Variants in ROCK2 observed in about 807,000 individuals in gnomAD.
ROCK2 encodes rho-associated protein kinase 2.
A neutral mutation model predicts 195.1 loss-of-function variants in ROCK2; 61 were observed. That is an observed-to-expected ratio of 0.31 (90% confidence interval 0.25 to 0.39). ROCK2 has a LOEUF of 0.39. Ranked by LOEUF, ROCK2 falls within the 10% of genes least tolerant of loss-of-function variation. The probability of loss-of-function intolerance (pLI) is 1.00; values close to 1 mark genes in which losing one functional copy is unlikely to be tolerated. For synonymous variants in ROCK2, 504 were observed against 545.5 expected (o/e 0.92, Z 1.06); for missense variants, 1,109 against 1,637.4 (o/e 0.68, Z 5.57).
At chr2:11,342,835 T>C (rs1669147784) in intron 1 of ROCK2, among the ~76,000 whole-genome samples, 1 of 152,186 alleles carries the variant, frequency 6.6e-6, no homozygotes, top group Non-Finnish European at 1.5e-5. Context: ...AGACACTATA[T>C]AGCTAAAGTC....
intron 4 of ROCK2, among the ~76,000 whole-genome samples, chr2:11,239,009 T>A (rs1359832658): frequency 1.3e-5 from 2 of 151,622 alleles, no homozygotes; most frequent in Non-Finnish European, 2.9e-5. Flanking sequence ...AACAACTGGA[T>A]AGCTACAGCC....
chr2:11,287,470 C>T (rs910362024), intron 2 of ROCK2, among the ~76,000 whole-genome samples, 185 bp downstream of exon 2: 6 of 151,974 alleles, frequency 3.9e-5, no homozygotes, highest in Admixed American at 6.6e-5. Context: ...TATTGTAATT[C>T]GGTTCTGCAA....
intron 1 of ROCK2, among the ~76,000 whole-genome samples, chr2:11,309,245 T>C (rs569628123): frequency 6.6e-6 from 1 of 151,128 alleles, no homozygotes; most frequent in East Asian, 1.9e-4. Context: ...AATCTAGAAA[T>C]GATTTAAAGT....
At chr2:11,194,812 A>G (rs1233811319) in intron 28 of ROCK2, 143 bp downstream of exon 28, 9 of 418,144 alleles carry the variant, frequency 2.2e-5, no homozygotes, top group East Asian at 2.1e-4. Context: ...AAATAAAATC[A>G]TATCATTTCA....
At chr2:11,194,399 T>A (rs995103997) in intron 28 of ROCK2, 55 bp from the exon 29 acceptor site, 2 of 650,176 alleles carry the variant, frequency 3.1e-6, no homozygotes, top group African/African-American at 3.8e-5. Context: ...ATACCTTATT[T>A]ATTGATTTTT....
chr2:11,262,712 A>T (rs537295801), intron 3 of ROCK2, among the ~76,000 whole-genome samples: 103 of 152,282 alleles, frequency 6.8e-4, no homozygotes, highest in African/African-American at 2.5e-3. Context: ...TGTAAGTCCA[A>T]TAAACTTCTT....
At chr2:11,296,764 A>G (rs1427107517) in intron 1 of ROCK2, among the ~76,000 whole-genome samples, 1 of 152,180 alleles carries the variant, frequency 6.6e-6, no homozygotes, top group Non-Finnish European at 1.5e-5. Flanking sequence ...ACTCCTTTAA[A>G]TCTCATTTTT....
At chr2:11,206,150 T>C (rs902929109) in intron 20 of ROCK2, among the ~76,000 whole-genome samples, 2 of 151,530 alleles carry the variant, frequency 1.3e-5, no homozygotes, top group South Asian at 2.1e-4. Context: ...TATAAATAAA[T>C]GATTTTTGCC....
At chr2:11,260,015 T>C (rs1345375497) in intron 3 of ROCK2, among the ~76,000 whole-genome samples, 1 of 151,578 alleles carries the variant, frequency 6.6e-6, no homozygotes, top group East Asian at 1.9e-4. Context: ...TGAATTATCC[T>C]AGACTTGAAA....
At chr2:11,287,253 A>G (rs989271889) in intron 2 of ROCK2, among the ~76,000 whole-genome samples, 8 of 152,210 alleles carry the variant, frequency 5.3e-5, no homozygotes, top group Non-Finnish European at 7.4e-5. Flanking sequence ...TACCACACAT[A>G]TGGTAATAAT....
intron 15 of ROCK2, 48 bp downstream of exon 15, chr2:11,215,273 C>A (rs760423536): frequency 8.2e-6 from 12 of 1,456,660 alleles, no homozygotes; most frequent in African/African-American, 1.4e-5. Flanking sequence ...AATGTTATCG[C>A]GTTAAAAATA....
At chr2:11,296,004 A>AGGGGAGAGAG (rs368823537) in intron 1 of ROCK2, among the ~76,000 whole-genome samples, 1 of 32,816 alleles carries the variant, frequency 3.0e-5, no homozygotes, top group Non-Finnish European at 5.7e-5. Context: ...AGAGAGAGAG[A>AGGGGAGAGAG]GGAGAGAGAG....
At chr2:11,289,105 A>G (rs2148197224) in intron 1 of ROCK2, among the ~76,000 whole-genome samples, 1 of 152,306 alleles carries the variant, frequency 6.6e-6, no homozygotes, top group East Asian at 1.9e-4. Flanking sequence ...TAATAACAAA[A>G]TGATTTATAT....
intron 1 of ROCK2, among the ~76,000 whole-genome samples, chr2:11,331,800 C>A (rs1201587489): frequency 6.6e-6 from 1 of 152,184 alleles, no homozygotes; most frequent in African/African-American, 2.4e-5. Context: ...GTGGCAGGCG[C>A]CTGTAATTCC....
At chr2:11,269,236 T>C (rs1666536780) in intron 3 of ROCK2, among the ~76,000 whole-genome samples, 1 of 152,198 alleles carries the variant, frequency 6.6e-6, no homozygotes, top group African/African-American at 2.4e-5. Flanking sequence ...TTTTGGCCAG[T>C]AGTGGTGGCT....
intron 1 of ROCK2, among the ~76,000 whole-genome samples, chr2:11,295,966 A>G (rs894184899): frequency 3.9e-5 from 3 of 77,718 alleles, no homozygotes; most frequent in Non-Finnish European, 5.2e-5. Flanking sequence ...CAAAAAACAA[A>G]AGAGAGAGAG....
chr2:11,328,218 G>A (rs1297480865), intron 1 of ROCK2, among the ~76,000 whole-genome samples: 1 of 152,018 alleles, frequency 6.6e-6, no homozygotes, highest in Non-Finnish European at 1.5e-5. Context: ...TACACGCAGT[G>A]AATTAAGAAC....
chr2:11,231,013 T>C (rs1664988303), intron 5 of ROCK2, among the ~76,000 whole-genome samples: 1 of 152,108 alleles, frequency 6.6e-6, no homozygotes, highest in African/African-American at 2.4e-5. Flanking sequence ...CAAATACATA[T>C]TTAATATGAT....
intron 1 of ROCK2, among the ~76,000 whole-genome samples, chr2:11,309,484 G>C (rs929592601): frequency 6.6e-6 from 1 of 151,978 alleles, no homozygotes; most frequent in South Asian, 2.1e-4. Flanking sequence ...CAACCTAACT[G>C]GTTCTTTGAT....
Sources: allele counts gnomAD v4.1 joint callset (sites outside exome capture counted in the v4.1 genomes callset), GRCh38; gene constraint gnomAD v4.1.1; transcripts MANE v1.5; gene names NCBI Gene and HGNC (gene_info 2026-07-23, HGNC 2026-07-21).